The following ZNF395 variants were observed in gnomAD, a reference collection of about 807,000 sequenced individuals.
ZNF395 encodes zinc finger protein 395.
In ZNF395, 20 loss-of-function variants were observed where a neutral mutation model predicts 57.7. The ratio of observed to expected loss-of-function variants is 0.35; its 90% CI spans 0.24 to 0.50. The LOEUF is 0.50. Among genes scored for constraint, ZNF395 ranks in the 20% least tolerant of loss-of-function variants. ZNF395 has a pLI of 0.97. For missense variants in ZNF395, 606 were observed against 671.2 expected (o/e 0.90, Z 1.07); for synonymous variants, 295 against 275.9 (o/e 1.07, Z -0.69).
chr8:28,363,078 A>C (rs1307112354), intron 1 of ZNF395, among the ~76,000 whole-genome samples: 9 of 151,878 alleles, frequency 5.9e-5, no homozygotes, highest in African/African-American at 1.9e-4. Flanking sequence ...CTTTGCCACT[A>C]TAAAGAAAAA....
In ZNF395 at chr8:28,359,568, C is replaced by T; in HGVS notation, c.473+24G>A. ...CACACTACCCACGTGACTTTTAAAA[C>T]CCAGTTTCTTCTCCCACACAAACCT... On this transcript the variant is annotated intron_variant, in intron 3 of 9. Coordinates refer to ENST00000344423, the MANE Select transcript of ZNF395 (RefSeq NM_018660.3). This position sits in a 1 kb window ranked among gnomAD's most constrained non-coding sequence, Gnocchi z 4.7. 1 of 1,560,744 alleles carries T rather than the reference C, an allele frequency of 6.4e-7. No homozygotes were observed.
At chr8:28,354,015 C>A (rs1209665680) in intron 4 of ZNF395, among the ~76,000 whole-genome samples, 2 of 152,272 alleles carry the variant, frequency 1.3e-5, no homozygotes, top group Admixed American at 1.3e-4. Flanking sequence ...TTGCAACTCT[C>A]AGGAGGGTGC....
chr8:28,369,176 G>A (rs1320271638), intron 1 of ZNF395, among the ~76,000 whole-genome samples: 2 of 145,874 alleles, frequency 1.4e-5, no homozygotes, highest in Non-Finnish European at 3.0e-5. Flanking sequence ...AGTTAAAGTA[G>A]AAACACTATT....
rs756139270 is a variant in ZNF395, at chr8:28,356,773, C to T, written c.480G>A (p.Ser160=). 4.3e-6 allele frequency: 7 copies of T among 1,613,720 alleles called. No homozygotes were observed. The highest frequency in any genetic ancestry group is 2.7e-5 in the African/African-American group (2 of 74,920). The stretch of plus-strand genomic sequence containing the variant: ...TCATCTCATCCATTTCCACTGCGTC[C>T]GACTTCCTGGATTCACACGGATGAG... ...SRNIDVPKRK[S]DAVEMDEMMA... is the part of the protein sequence containing the mutation. The change falls in exon 4 of 10, where the codon TCG becomes TCA. Residue 160 remains serine, a synonymous_variant. Coordinates refer to ENST00000344423, the MANE Select transcript of ZNF395 (RefSeq NM_018660.3). The surrounding 1 kb of genome is among the most constrained non-coding windows in gnomAD (Gnocchi z 4.0).
rs568233973 is a variant in ZNF395 at position 28,345,906 on chromosome 8, G to A, written c.*2813C>T. The A allele has an allele frequency of 2.0e-5, 3 of 152,372 alleles. No individual in the cohort carries two copies. The highest frequency in any genetic ancestry group is 4.1e-4 in the South Asian group (2 of 4,824). 9.4% of individuals were successfully genotyped at this position (152,372 alleles called of 1,614,324 possible). On this transcript the variant is annotated 3_prime_UTR_variant, in exon 10 of 10. Coordinates refer to ENST00000344423, the MANE Select transcript of ZNF395 (RefSeq NM_018660.3). The stretch of plus-strand genomic sequence containing the variant: ...CAAGCTATAGACTCACAATGACAAC[G>A]TGGCCATGGCTCAAAACACTCTCTG...
At chr8:28,363,289 G>A (rs546436226) in intron 1 of ZNF395, among the ~76,000 whole-genome samples, 2 of 152,064 alleles carry the variant, frequency 1.3e-5, no homozygotes, top group Admixed American at 1.3e-4. Context: ...GCGCTACCAC[G>A]CCTGGCTAAT....
At chr8:28,349,286 A>G in intron 8 of ZNF395, 58 bp from the exon 9 acceptor site, 1 of 1,397,034 alleles carries the variant, frequency 7.2e-7, no homozygotes, top group Non-Finnish European at 9.5e-7. Flanking sequence ...TGAGGGAGCT[A>G]TCCTAAAAGA....
chr8:28,371,744 G>C (rs535613176), intron 1 of ZNF395, among the ~76,000 whole-genome samples: 7 of 152,264 alleles, frequency 4.6e-5, no homozygotes, highest in African/African-American at 1.7e-4. Context: ...AAACAGTCAG[G>C]GCTGCCTTAA....
chr8:28,385,757 G>T (rs1407069148), intron 1 of ZNF395, among the ~76,000 whole-genome samples: 1 of 148,574 alleles, frequency 6.7e-6, no homozygotes, highest in African/African-American at 2.4e-5. Flanking sequence ...AGTCGGGAGG[G>T]GGCTCCGAGA....
At chr8:28,371,259 CGGCCTT>C in intron 1 of ZNF395, among the ~76,000 whole-genome samples, 1 of 152,340 alleles carries the variant, frequency 6.6e-6, no homozygotes, top group African/African-American at 2.4e-5. Context: ...CAGCTCACTG[CGGCCTT>C]GACCTCCCAG....
rs535766086 is a variant in ZNF395 at position 28,352,217 on chromosome 8, G to A, written c.920+356C>T. 3.9e-5 allele frequency among the ~76,000 whole-genome samples: 6 copies of A among 152,302 alleles called. No homozygotes were observed. The highest frequency in any genetic ancestry group is 1.9e-4 in the East Asian group (1 of 5,182). On this transcript the variant is annotated intron_variant, in intron 6 of 9. Coordinates refer to ENST00000344423, the MANE Select transcript of ZNF395 (RefSeq NM_018660.3). This position sits in a 1 kb window ranked among gnomAD's most constrained non-coding sequence, Gnocchi z 4.0. ...GCGGAGGCACCAGGGTGGGGCTAGCGGAGACCCACTCCCAAGGAAGAGTGG... is the reference window on the plus strand; with the variant it reads ...GCGGAGGCACCAGGGTGGGGCTAGCAGAGACCCACTCCCAAGGAAGAGTGG...
chr8:28,372,179 G>A (rs1313227912), intron 1 of ZNF395, among the ~76,000 whole-genome samples: 1 of 152,148 alleles, frequency 6.6e-6, no homozygotes, highest in Non-Finnish European at 1.5e-5. Context: ...AGGATAATTT[G>A]GGGCTTTAAT....
At chr8:28,361,434 T>C (rs1801848562) in intron 1 of ZNF395, among the ~76,000 whole-genome samples, 1 of 152,178 alleles carries the variant, frequency 6.6e-6, no homozygotes, top group Non-Finnish European at 1.5e-5. Flanking sequence ...TCTGTAAAAA[T>C]GGGATTGTTG....
At chr8:28,354,216 T>A (rs974211859) in intron 4 of ZNF395, among the ~76,000 whole-genome samples, 15 of 152,176 alleles carry the variant, frequency 9.9e-5, no homozygotes, top group Non-Finnish European at 2.9e-5. Flanking sequence ...AGGACGGGCA[T>A]CAGCAGACAT....
In ZNF395 at chr8:28,364,839, GA is replaced by G. The variant is rs1213971147; in HGVS notation, c.-58-3658del. On this transcript the variant is annotated intron_variant, in intron 1 of 9. Transcript: ENST00000344423. The stretch of plus-strand genomic sequence containing the variant: ...ATTTTCTCACGTACTTTCATTCCTT[GA>G]AAAAATCTCTTCTCCACTTGGATCT... Among the ~76,000 whole-genome samples the G allele has an allele frequency of 2.6e-5, 4 of 152,200 alleles. No homozygotes were observed. The East Asian group carries it at 7.7e-4, about 29-fold the overall frequency.
chr8:28,352,257 G>A lies in ZNF395; in HGVS notation c.920+316C>T, dbSNP rs1801725348. Among the ~76,000 whole-genome samples the A allele has an allele frequency of 1.3e-5, 2 of 152,212 alleles. No individual in the cohort carries two copies. The highest frequency in any genetic ancestry group is 4.1e-4 in the South Asian group (2 of 4,830). On this transcript the variant is annotated intron_variant, in intron 6 of 9. Coordinates refer to ENST00000344423, the MANE Select transcript of ZNF395 (RefSeq NM_018660.3). This position sits in a 1 kb window ranked among gnomAD's most constrained non-coding sequence, Gnocchi z 4.0. ...AGGAAGAGTGGGTGGTGCAGTGCTT[G>A]GCCACTAAACATCTTGGAAACGGGG...
At chr8:28,379,212 C>G (rs1802081051) in intron 1 of ZNF395, among the ~76,000 whole-genome samples, 1 of 152,236 alleles carries the variant, frequency 6.6e-6, no homozygotes, top group Non-Finnish European at 1.5e-5. Flanking sequence ...GCATCCTACT[C>G]TCCTTTCCAG....
At chr8:28,380,694 G>A (rs528574236) in intron 1 of ZNF395, among the ~76,000 whole-genome samples, 15 of 152,322 alleles carry the variant, frequency 9.8e-5, no homozygotes, top group African/African-American at 3.6e-4. Flanking sequence ...TACCATAGTT[G>A]CTGCACTATT....
chr8:28,359,479 T>G lies in ZNF395; in HGVS notation c.473+113A>C. ...CTGTGTCCCATTTGTCCCAATATCT[T>G]GGCACCCAGATGCCAATGACACCAC... On this transcript the variant is annotated intron_variant, in intron 3 of 9. Coordinates refer to ENST00000344423, the MANE Select transcript of ZNF395 (RefSeq NM_018660.3). The surrounding 1 kb of genome is among the most constrained non-coding windows in gnomAD (Gnocchi z 4.7). 1 of 1,422,992 alleles carries G rather than the reference T, an allele frequency of 7.0e-7. No individual in the cohort carries two copies. Among genetic ancestry groups the G allele is most frequent in the Non-Finnish European group, 9.4e-7 (1 of 1,066,008 alleles). The allele number at this position is 1,422,992 out of a possible 1,614,324, so 88.1% of individuals were successfully genotyped here. A position where few individuals can be genotyped will look rare whatever the true frequency, so the allele number is the denominator to read the frequency against.
Sources: gnomAD v4.1 joint callset for allele counts (sites outside exome capture counted in the v4.1 genomes callset) on GRCh38, gnomAD v4.1.1 for gene constraint, Gnocchi (gnomAD v3.1) non-coding constraint, MANE v1.5 for transcripts, NCBI Gene and HGNC (gene_info 2026-07-23, HGNC 2026-07-21) for gene names.